RHBDD1: variants seen among roughly 807,000 people sequenced by gnomAD.
RHBDD1 encodes the protein rhomboid-related protein 4.
In RHBDD1, 38 loss-of-function variants were observed where a neutral mutation model predicts 36.3. That is an observed-to-expected ratio of 1.05 (90% CI 0.81 to 1.37). The LOEUF is 1.37. RHBDD1 is among the 40% of genes most tolerant of loss of function. The pLI is 0.00. For missense variants in RHBDD1, 393 were observed against 377.6 expected, an observed-to-expected ratio of 1.04 and a Z score of -0.34; for synonymous variants, 151 against 136.5, an observed-to-expected ratio of 1.11 and a Z score of -0.74.
At chr2:226,984,951 A>G (rs1956613158) in intron 8 of RHBDD1, among the ~76,000 whole-genome samples, 1 of 150,956 alleles carries the variant, frequency 6.6e-6, no homozygotes, top group African/African-American at 2.4e-5. Context: ...GAGGAGGGGC[A>G]GAAGCAAAGA....
chr2:226,879,314 AAG>A (rs1303399419), intron 5 of RHBDD1, among the ~76,000 whole-genome samples: 2 of 152,162 alleles, frequency 1.3e-5, no homozygotes, highest in African/African-American at 4.8e-5. Context: ...CCTTCAGTGG[AAG>A]AGAGAATTAG....
intron 8 of RHBDD1, among the ~76,000 whole-genome samples, chr2:226,937,983 G>C (rs1226880884): frequency 6.6e-6 from 1 of 152,160 alleles, no homozygotes; most frequent in African/African-American, 2.4e-5. Context: ...GGGTTGAATG[G>C]TATTTCTGTT....
At chr2:226,914,446 A>C in intron 8 of RHBDD1, 95 bp downstream of exon 8, 1 of 1,381,484 alleles carries the variant, frequency 7.2e-7, no homozygotes, top group East Asian at 2.5e-5. Flanking sequence ...AATTTTAAAC[A>C]GTTCAGAAAA....
chr2:226,894,495 T>C (rs1437928812), intron 5 of RHBDD1, among the ~76,000 whole-genome samples: 1 of 152,210 alleles, frequency 6.6e-6, no homozygotes, highest in Non-Finnish European at 1.5e-5. Flanking sequence ...GGTCTCGATC[T>C]CCTGATGTCA....
chr2:226,861,556 T>A (rs1943856208), intron 3 of RHBDD1, among the ~76,000 whole-genome samples: 1 of 152,242 alleles, frequency 6.6e-6, no homozygotes, highest in Admixed American at 6.5e-5. Flanking sequence ...TTTGATTTTC[T>A]GCTACATAAA....
chr2:226,862,873 G>A (rs1241149613), intron 3 of RHBDD1, among the ~76,000 whole-genome samples: 3 of 152,236 alleles, frequency 2.0e-5, no homozygotes, highest in African/African-American at 7.2e-5. Context: ...TGTGATGAGA[G>A]AGGAAGCAAG....
At chr2:226,841,058 A>T (rs940550294) in intron 3 of RHBDD1, among the ~76,000 whole-genome samples, 29 of 152,292 alleles carry the variant, frequency 1.9e-4, no homozygotes, top group African/African-American at 6.5e-4. Context: ...CATACTGCCC[A>T]TGTAGTCGCC....
the RHBDD1 span, chr2:226,807,548 T>C: frequency 6.6e-6 from 1 of 152,184 alleles, no homozygotes; most frequent in Non-Finnish European, 1.5e-5. Flanking sequence ...GATGAAGACA[T>C]GTTCCATGCA....
intron 8 of RHBDD1, among the ~76,000 whole-genome samples, chr2:226,975,286 A>AAC (rs373568209): frequency 6.6e-5 from 10 of 151,790 alleles, no homozygotes; most frequent in East Asian, 3.9e-4. Flanking sequence ...TACACACACA[A>AAC]ACACACACAC....
At chr2:226,858,679 C>T (rs1054939914) in intron 3 of RHBDD1, among the ~76,000 whole-genome samples, 8 of 152,278 alleles carry the variant, frequency 5.3e-5, no homozygotes, top group Non-Finnish European at 1.2e-4. Flanking sequence ...TTCTCTCCCC[C>T]TTGAGACACA....
intron 8 of RHBDD1, among the ~76,000 whole-genome samples, chr2:226,937,948 G>A (rs760690699): frequency 6.6e-6 from 1 of 152,160 alleles, no homozygotes; most frequent in African/African-American, 2.4e-5. Flanking sequence ...ATTCCTATGG[G>A]TGTATACCCA....
chr2:226,803,591 A>G, the RHBDD1 span, among the ~76,000 whole-genome samples: 2 of 152,180 alleles, frequency 1.3e-5, no homozygotes, highest in East Asian at 3.9e-4. Context: ...ATGGCAGATG[A>G]ACACAATTGC....
chr2:226,979,310 A>T (rs1344800149), intron 8 of RHBDD1, among the ~76,000 whole-genome samples: 1 of 152,198 alleles, frequency 6.6e-6, no homozygotes, highest in Non-Finnish European at 1.5e-5. Context: ...TTATGGACAC[A>T]TAGAAGGGTG....
intron 8 of RHBDD1, among the ~76,000 whole-genome samples, chr2:226,950,864 A>G (rs925542111): frequency 2.6e-5 from 4 of 152,110 alleles, no homozygotes; most frequent in African/African-American, 9.7e-5. Flanking sequence ...TATGTTTTTT[A>G]TACTAATGCA....
At chr2:226,989,236 A>C (rs1957647480) in intron 8 of RHBDD1, among the ~76,000 whole-genome samples, 1 of 152,236 alleles carries the variant, frequency 6.6e-6, no homozygotes, top group African/African-American at 2.4e-5. Flanking sequence ...GATAGAAACC[A>C]CTTATAACAA....
chr2:226,970,636 A>G (rs1270209402), intron 8 of RHBDD1, among the ~76,000 whole-genome samples: 2 of 152,240 alleles, frequency 1.3e-5, no homozygotes, highest in South Asian at 2.1e-4. Context: ...CACCACCTGG[A>G]GGAATAAAGA....
intron 8 of RHBDD1, among the ~76,000 whole-genome samples, chr2:226,922,785 A>G (rs1949414010): frequency 6.6e-6 from 1 of 151,602 alleles, no homozygotes. Context: ...TATCTGTTGT[A>G]TATTTTTTGA....
the RHBDD1 span, among the ~76,000 whole-genome samples, chr2:226,811,655 A>G: frequency 6.6e-6 from 1 of 152,224 alleles, no homozygotes; most frequent in African/African-American, 2.4e-5. Context: ...TATTGTAAAG[A>G]GTAACAGTGT....
chr2:226,950,671 A>C (rs574203373), intron 8 of RHBDD1, among the ~76,000 whole-genome samples: 1 of 152,296 alleles, frequency 6.6e-6, no homozygotes, highest in Admixed American at 6.5e-5. Flanking sequence ...GATAATAGCC[A>C]TTCTAACAAG....
Sources: allele counts gnomAD v4.1 joint callset (sites outside exome capture counted in the v4.1 genomes callset), GRCh38; gene constraint gnomAD v4.1.1; transcripts MANE v1.5; gene names NCBI Gene and HGNC (gene_info 2026-07-23, HGNC 2026-07-21).